Variants in DLGAP2 observed in about 807,000 individuals in gnomAD.
DLGAP2 encodes disks large-associated protein 2.
Under a neutral mutation model 100.3 loss-of-function variants are expected in DLGAP2, and 26 were observed. The observed-to-expected ratio is 0.26, with a 90% CI of 0.19 to 0.36. The LOEUF (loss-of-function observed/expected upper bound fraction) is 0.36, where lower values mean the gene tolerates loss of function less well. DLGAP2 is among the 10% of genes least tolerant of loss of function. The probability of loss-of-function intolerance (pLI) is 1.00; values close to 1 mark genes in which losing one functional copy is unlikely to be tolerated. For synonymous variants in DLGAP2, 886 were observed against 630.1 expected, an observed-to-expected ratio of 1.41 and a Z score of -6.08; for missense variants, 1,858 against 1,453.2, an observed-to-expected ratio of 1.28 and a Z score of -4.53.
chr8:931,406 G>A (rs1464415012), intron 2 of DLGAP2, among the ~76,000 whole-genome samples: 1 of 152,252 alleles, frequency 6.6e-6, no homozygotes, highest in Non-Finnish European at 1.5e-5. Flanking sequence ...TCTGGAAAAA[G>A]CATCAGGAAC....
chr8:1,618,554 A>G (rs547541692), intron 6 of DLGAP2, among the ~76,000 whole-genome samples: 1 of 152,338 alleles, frequency 6.6e-6, no homozygotes, highest in Admixed American at 6.5e-5. Context: ...AGAAGATTCT[A>G]AAATGTGTGA....
In DLGAP2 at chr8:1,343,755, C is replaced by T. The variant is rs932245206; in HGVS notation, c.106+84872C>T. On this transcript the variant is annotated intron_variant, in intron 3 of 14. Coordinates refer to ENST00000637795, the MANE Select transcript of DLGAP2 (RefSeq NM_001346810.2). ...GATGTGCACGACAGTGGAACGGAGGCCTCTCCAAGAGGCGGGGGCAGTGCT... is the reference window on the plus strand; with the variant it reads ...GATGTGCACGACAGTGGAACGGAGGTCTCTCCAAGAGGCGGGGGCAGTGCT... Among the ~76,000 whole-genome samples, 21 of 152,042 alleles carry T rather than the reference C, an allele frequency of 1.4e-4. No individual in the cohort carries two copies. In the East Asian group the frequency reaches 3.5e-3, roughly 25 times the overall value.
At chr8:1,383,195 C>G (rs190190844) in intron 3 of DLGAP2, among the ~76,000 whole-genome samples, 1 of 151,884 alleles carries the variant, frequency 6.6e-6, no homozygotes, top group African/African-American at 2.4e-5. Flanking sequence ...AATTTTGTAA[C>G]GAGAAAAATA....
intron 2 of DLGAP2, among the ~76,000 whole-genome samples, chr8:962,415 C>T (rs76833278): frequency 7.2e-5 from 11 of 152,280 alleles, no homozygotes; most frequent in East Asian, 1.9e-4. Context: ...CAGTGCAAGT[C>T]GCTTGCCTTT....
intron 4 of DLGAP2, among the ~76,000 whole-genome samples, chr8:1,537,830 G>A (rs572373756): frequency 3.2e-4 from 49 of 152,278 alleles, no homozygotes; most frequent in African/African-American, 1.2e-3. Context: ...CATAGGAAAA[G>A]TGCAGATAAA....
chr8:941,059 C>T (rs897012485), intron 2 of DLGAP2, among the ~76,000 whole-genome samples: 5 of 152,192 alleles, frequency 3.3e-5, no homozygotes, highest in Non-Finnish European at 5.9e-5. Context: ...GTACAGAGCT[C>T]AGCAGTGTGC....
intron 2 of DLGAP2, among the ~76,000 whole-genome samples, chr8:1,152,965 G>C (rs539312615): frequency 1.4e-4 from 21 of 152,288 alleles, no homozygotes; most frequent in African/African-American, 4.8e-4. Flanking sequence ...CCTCTCTGAT[G>C]TATTTGGCAC....
chr8:1,194,879 G>C (rs1797716101), intron 2 of DLGAP2, among the ~76,000 whole-genome samples: 2 of 152,230 alleles, frequency 1.3e-5, no homozygotes, highest in African/African-American at 4.8e-5. Flanking sequence ...GGCTGTGTCT[G>C]TGCTTGGTGC....
At chr8:1,628,786 G>A (rs373734730) in intron 7 of DLGAP2, among the ~76,000 whole-genome samples, 33 of 151,412 alleles carry the variant, frequency 2.2e-4, no homozygotes, top group African/African-American at 4.6e-4. Context: ...GAGCCTGAGC[G>A]CAGGGATTAA....
intron 1 of DLGAP2, among the ~76,000 whole-genome samples, chr8:849,170 G>A (rs1244840616): frequency 1.3e-5 from 2 of 151,806 alleles, no homozygotes; most frequent in East Asian, 3.9e-4. Context: ...ACATGCCAGG[G>A]TTTGTTCCAG....
At chr8:1,649,617 G>A (rs1798118840) in intron 8 of DLGAP2, among the ~76,000 whole-genome samples, 3 of 152,178 alleles carry the variant, frequency 2.0e-5, no homozygotes, top group Non-Finnish European at 4.4e-5. Flanking sequence ...CAATGACATA[G>A]AAGGTGGCAA....
intron 10 of DLGAP2, among the ~76,000 whole-genome samples, chr8:1,674,150 C>G (rs570886973): frequency 3.3e-5 from 5 of 152,186 alleles, no homozygotes; most frequent in Non-Finnish European, 7.4e-5. Context: ...GTGTCCTGGG[C>G]TCAAGTGATC....
intron 2 of DLGAP2, among the ~76,000 whole-genome samples, chr8:995,480 G>A (rs777419068): frequency 1.5e-4 from 23 of 152,092 alleles, no homozygotes; most frequent in Non-Finnish European, 2.8e-4. Flanking sequence ...AATAGTTTTC[G>A]TCTTATAGTT....
At chr8:1,215,721 G>C (rs1399082177) in intron 2 of DLGAP2, among the ~76,000 whole-genome samples, 2 of 52,446 alleles carry the variant, frequency 3.8e-5, no homozygotes, top group Admixed American at 1.7e-4. Context: ...GGGTTCATTT[G>C]GGTGCATCAC....
intron 2 of DLGAP2, among the ~76,000 whole-genome samples, chr8:1,147,436 T>C (rs1354013780): frequency 6.6e-6 from 1 of 152,202 alleles, no homozygotes; most frequent in African/African-American, 2.4e-5. Flanking sequence ...TTATAAGTTG[T>C]CTGCAAATGC....
At chr8:1,370,850 G>A (rs748296512) in intron 3 of DLGAP2, among the ~76,000 whole-genome samples, 3 of 152,280 alleles carry the variant, frequency 2.0e-5, no homozygotes, top group East Asian at 3.9e-4. Context: ...GATGAGTAAC[G>A]CACCACACAG....
intron 3 of DLGAP2, among the ~76,000 whole-genome samples, chr8:1,435,260 T>C (rs1797582588): frequency 6.6e-6 from 1 of 152,208 alleles, no homozygotes; most frequent in Non-Finnish European, 1.5e-5. Flanking sequence ...CAAAGCCTTT[T>C]TGTAAGAATA....
chr8:977,732 G>A (rs1455043830), intron 2 of DLGAP2, among the ~76,000 whole-genome samples: 3 of 139,412 alleles, frequency 2.2e-5, no homozygotes. Flanking sequence ...GGAGGGCGTC[G>A]GGGATGCAGT....
At chr8:1,633,320 G>A (rs76087098) in intron 8 of DLGAP2, among the ~76,000 whole-genome samples, 4 of 67,990 alleles carry the variant, frequency 5.9e-5, no homozygotes, top group African/African-American at 4.3e-4. Context: ...AGAGGAGAAA[G>A]AAATGGAAGT....
Sources: gnomAD v4.1 joint callset for allele counts (sites outside exome capture counted in the v4.1 genomes callset) on GRCh38, gnomAD v4.1.1 for gene constraint, MANE v1.5 for transcripts, NCBI Gene and HGNC (gene_info 2026-07-23, HGNC 2026-07-21) for gene names.